Variants in GOLGA3 observed in about 807,000 individuals in gnomAD.
GOLGA3 encodes golgin A3.
GOLGA3 carries 75 observed loss-of-function variants against 169.4 expected under a neutral mutation model. That is an observed-to-expected ratio of 0.44 (90% CI 0.37 to 0.54). GOLGA3 has a LOEUF of 0.54. Ranked by LOEUF, GOLGA3 falls within the 20% of genes least tolerant of loss-of-function variation. The pLI, the probability that GOLGA3 is intolerant of heterozygous loss-of-function variation, is 0.00. For missense variants in GOLGA3, 1,899 were observed against 1,930.0 expected, an observed-to-expected ratio of 0.98 and a Z score of 0.30; for synonymous variants, 824 against 822.4, an observed-to-expected ratio of 1.00 and a Z score of -0.03.
chr12:132,807,422 G>A, intron 5 of GOLGA3, 134 bp from the exon 6 acceptor site: 1 of 536,700 alleles, frequency 1.9e-6, no homozygotes, highest in Non-Finnish European at 3.3e-6. Flanking sequence ...GATTTAAGTA[G>A]AGAGCTGAGG....
At chr12:132,815,911 A>C (rs983028950) in intron 3 of GOLGA3, among the ~76,000 whole-genome samples, 2 of 152,312 alleles carry the variant, frequency 1.3e-5, no homozygotes, top group East Asian at 3.9e-4. Context: ...ATTAAAAAAC[A>C]AAACAGGCTG....
At chr12:132,798,170 G>A (rs1405106867) in intron 9 of GOLGA3, among the ~76,000 whole-genome samples, 170 bp downstream of exon 9, 2 of 113,292 alleles carry the variant, frequency 1.8e-5, no homozygotes, top group Non-Finnish European at 3.7e-5. Context: ...ACAGGTGAGG[G>A]ATGAGGGGTG....
rs547344912 is a variant in GOLGA3, at chr12:132,789,799, C to T, written c.2548-509G>A. On this transcript the variant is annotated intron_variant, in intron 12 of 23. Transcript: ENST00000450791. Reference sequence around the variant, plus strand: ...TTGTAATCCCAGCACTCTGGGAGCCCGAGCTGGCTGATCACCTGAGGTCAG... The same window carrying T: ...TTGTAATCCCAGCACTCTGGGAGCCTGAGCTGGCTGATCACCTGAGGTCAG... 5.1e-5 allele frequency among the ~76,000 whole-genome samples: 2 copies of T among 39,112 alleles called. 1 individual carries two copies. Among genetic ancestry groups the T allele is most frequent in the African/African-American group, 1.2e-4 (2 of 16,260 alleles). 25.7% of individuals were successfully genotyped at this position (39,112 alleles called of 152,430 possible).
intron 4 of GOLGA3, 141 bp from the exon 5 acceptor site, chr12:132,808,690 A>C: frequency 1.4e-6 from 1 of 722,624 alleles, no homozygotes; most frequent in Non-Finnish European, 2.3e-6. Context: ...CCCTCACCAC[A>C]CAGGGTGCGG....
intron 1 of GOLGA3, among the ~76,000 whole-genome samples, chr12:132,827,426 A>T (rs1950467382): frequency 6.6e-6 from 1 of 152,238 alleles, no homozygotes; most frequent in Non-Finnish European, 1.5e-5. Flanking sequence ...TCTTAATCAC[A>T]TTTAGCCTGT....
At chr12:132,815,489 A>G (rs963800803) in intron 3 of GOLGA3, among the ~76,000 whole-genome samples, 1 of 152,264 alleles carries the variant, frequency 6.6e-6, no homozygotes, top group Non-Finnish European at 1.5e-5. Context: ...TCTCAACTTA[A>G]ATGCTGGCAG....
At chr12:132,808,754 C>G (rs1233361637) in intron 4 of GOLGA3, among the ~76,000 whole-genome samples, 3 of 152,148 alleles carry the variant, frequency 2.0e-5, no homozygotes, top group Non-Finnish European at 4.4e-5. Flanking sequence ...CTCTAGTGAC[C>G]AGCATGACCA....
In GOLGA3 at chr12:132,807,264, T is replaced by C. The variant is rs753984537; in HGVS notation, c.1203A>G (p.Ala401=). ...CCTGCAGCATCTCCTCCTGTGTTTC[T>C]GCTGCAGAGCTCTCCAAGGACACGC... The part of the protein sequence containing the change: ...CSSVSLESSA[A]ETQEEMLQVL... Residue 401 remains alanine (A), a synonymous_variant, in exon 6 of 24, where the codon GCA becomes GCG. Coordinates refer to ENST00000450791, the MANE Select transcript of GOLGA3 (RefSeq NM_001389683.1). The C allele has an allele frequency of 3.8e-6, 6 of 1,579,708 alleles. No individual in the cohort carries two copies. The highest frequency in any genetic ancestry group is 4.3e-6 in the Non-Finnish European group (5 of 1,160,696).
At position 132,777,824 on chromosome 12, in the gene GOLGA3, C is replaced by T. The variant is rs569247079; in HGVS notation, c.3583-19G>A. 5 of 1,612,660 alleles carry T rather than the reference C, an allele frequency of 3.1e-6. No homozygotes were observed. The highest frequency in any genetic ancestry group is 1.1e-5 in the South Asian group (1 of 90,978). On this transcript the variant is annotated intron_variant, in intron 18 of 23. Transcript: ENST00000450791. The surrounding 1 kb of genome is among the most constrained non-coding windows in gnomAD (Gnocchi z 4.7). Reference sequence around the variant, plus strand: ...CAGCCACCTAGGAGGAAGGAAGCCACGTTGTCCATGCCCTGCGTGACACCC... The same window carrying T: ...CAGCCACCTAGGAGGAAGGAAGCCATGTTGTCCATGCCCTGCGTGACACCC...
rs1244623824 is a variant in GOLGA3, at chr12:132,774,285, G to A, written c.4179C>T (p.Asn1393=). 1.2e-6 allele frequency: 2 copies of A among 1,612,778 alleles called. No individual in the cohort carries two copies. Among genetic ancestry groups the A allele is most frequent in the Admixed American group, 3.3e-5 (2 of 60,022 alleles). ...CCGGGATCTTGATGGGCGTGGCAGG[G>A]TTGGAAGAGCTGGCCTCGCCTTTCG... ...KEPKGEASSS[N]PATPIKIPDC... is the part of the protein sequence containing the mutation. Residue 1393 remains asparagine, a synonymous_variant, in exon 23 of 24, where the codon AAC becomes AAT. Transcript: ENST00000450791.
chr12:132,822,353 G>T, intron 1 of GOLGA3, 42 bp from the exon 2 acceptor site: 1 of 1,108,834 alleles, frequency 9.0e-7, no homozygotes, highest in Non-Finnish European at 1.2e-6. Flanking sequence ...AAACTTGTCA[G>T]ATTTCAAGTA....
chr12:132,828,251 G>A (rs1950505259), intron 1 of GOLGA3: 2 of 152,186 alleles, frequency 1.3e-5, no homozygotes. Context: ...TGTCCTAGGT[G>A]GGCTCCGCGG....
chr12:132,811,268 G>A (rs562832839), intron 4 of GOLGA3, among the ~76,000 whole-genome samples: 17 of 152,080 alleles, frequency 1.1e-4, no homozygotes, highest in South Asian at 8.3e-4. Context: ...TCTCGTCTCC[G>A]CACACAGGGA....
intron 13 of GOLGA3, among the ~76,000 whole-genome samples, chr12:132,787,199 G>A (rs1016651601): frequency 6.6e-6 from 1 of 152,044 alleles, no homozygotes; most frequent in African/African-American, 2.4e-5. Context: ...TGATCCACCT[G>A]CCTCGGCCTC....
At position 132,786,539 on chromosome 12, in the gene GOLGA3, T is replaced by G; in HGVS notation, c.2923A>C (p.Lys975Gln). 6.2e-7 allele frequency: 1 copy of G among 1,613,478 alleles called. No individual in the cohort carries two copies. The highest frequency in any genetic ancestry group is 8.5e-7 in the Non-Finnish European group (1 of 1,179,842). Residue 975 changes from lysine to glutamine, a missense_variant, in exon 15 of 24, where the codon AAG becomes CAG. Lys to Gln is a moderately conservative substitution (Grantham distance 53). Transcript: ENST00000450791. ...QEARKAITEQ[K>Q]QKMRRLGSDL... ...GAGCCCAGCCGCCTCATCTTCTGCT[T>G]CTGTTCCGTGATGGCCCTGGGGTGT...
At chr12:132,798,291 T>C (rs753315020) in intron 9 of GOLGA3, 49 bp downstream of exon 9, 10 of 1,540,344 alleles carry the variant, frequency 6.5e-6, no homozygotes, top group South Asian at 4.7e-5. Flanking sequence ...ATGGTATCGA[T>C]GTCTGCGTCT....
At chr12:132,779,691 T>C (rs952585617) in intron 18 of GOLGA3, among the ~76,000 whole-genome samples, 4 of 152,116 alleles carry the variant, frequency 2.6e-5, no homozygotes, top group African/African-American at 7.2e-5. Flanking sequence ...TTTCTACATA[T>C]ACATCAGCAT....
At chr12:132,823,161 G>C (rs746727288) in intron 1 of GOLGA3, among the ~76,000 whole-genome samples, 1 of 152,224 alleles carries the variant, frequency 6.6e-6, no homozygotes, top group African/African-American at 2.4e-5. Context: ...GGCATCTCAC[G>C]GCAGGGCCCG....
chr12:132,822,202 C>G lies in GOLGA3; in HGVS notation c.-74G>C. The G allele has an allele frequency of 6.6e-7, 1 of 1,522,702 alleles. No individual in the cohort carries two copies. The highest frequency in any genetic ancestry group is 8.7e-7 in the Non-Finnish European group (1 of 1,147,350). The allele number at this position is 1,522,702 out of a possible 1,614,324, so 94.3% of individuals were successfully genotyped here. On this transcript the variant is annotated 5_prime_UTR_variant, in exon 2 of 24. An upstream open reading frame in the 5' UTR loses its in-frame stop. Coordinates refer to ENST00000450791, the MANE Select transcript of GOLGA3 (RefSeq NM_001389683.1). ...CTTGGACAAGCTTGGCTTCTGCCAT[C>G]AGCAACAGCCAAGAGCTCCTGGGAG...
Sources: gnomAD v4.1 joint callset for allele counts (sites outside exome capture counted in the v4.1 genomes callset) on GRCh38, gnomAD v4.1.1 for gene constraint, Gnocchi (gnomAD v3.1) non-coding constraint, MANE v1.5 for transcripts, NCBI Gene and HGNC (gene_info 2026-07-23, HGNC 2026-07-21) for gene names.